The following MAGI2 variants were observed in gnomAD, a reference collection of about 807,000 sequenced individuals.
MAGI2 encodes the protein membrane-associated guanylate kinase, WW and PDZ domain-containing protein 2.
A neutral mutation model predicts 133.3 loss-of-function variants in MAGI2; 35 were observed. That is an observed-to-expected ratio of 0.26 (90% CI 0.20 to 0.35). The LOEUF is 0.35. MAGI2 is among the 10% of genes least tolerant of loss of function. MAGI2 has a pLI of 1.00. For synonymous variants in MAGI2, 729 were observed against 710.6 expected, an observed-to-expected ratio of 1.03 and a Z score of -0.41; for missense variants, 1,636 against 1,863.4, an observed-to-expected ratio of 0.88 and a Z score of 2.25.
chr7:78,997,543 G>A (rs112510011), intron 2 of MAGI2, among the ~76,000 whole-genome samples: 7,541 of 151,456 alleles, frequency 0.05, 227 homozygotes, highest in Middle Eastern at 0.075. Flanking sequence ...TGGAGATTGC[G>A]GTGAGCCGAG....
intron 2 of MAGI2, among the ~76,000 whole-genome samples, chr7:78,856,050 C>G (rs890053273): frequency 2.6e-5 from 4 of 152,188 alleles, no homozygotes; most frequent in Non-Finnish European, 5.9e-5. Flanking sequence ...TAAATGTCTT[C>G]TTTTGAGAAG....
chr7:78,406,302 A>G (rs982580515), intron 6 of MAGI2, among the ~76,000 whole-genome samples: 4 of 152,042 alleles, frequency 2.6e-5, no homozygotes, highest in African/African-American at 9.7e-5. Flanking sequence ...AATAAATAAC[A>G]GTATTTAAAT....
chr7:78,177,822 C>T (rs564581231), intron 14 of MAGI2, among the ~76,000 whole-genome samples, 189 bp downstream of exon 14: 114 of 152,000 alleles, frequency 7.5e-4, no homozygotes, highest in African/African-American at 2.0e-3. Context: ...AGATATTTGT[C>T]GTGGAGATAA....
rs187861616 is a variant in MAGI2, at chr7:78,371,277, G to A, written c.1046-2064C>T. On this transcript the variant is annotated intron_variant, in intron 6 of 21. Coordinates refer to ENST00000354212, the MANE Select transcript of MAGI2 (RefSeq NM_012301.4). ...CATTCAAAACCCTTTTTTATAAGCA[G>A]CTCATCCAGAAGTAAAAGAATATAC... Among the ~76,000 whole-genome samples the A allele has an allele frequency of 4.1e-3, 624 of 151,916 alleles. 5 individuals carry two copies. The highest frequency in any genetic ancestry group is 5.5e-3 in the Non-Finnish European group (374 of 67,816).
intron 1 of MAGI2, among the ~76,000 whole-genome samples, chr7:79,419,194 A>G (rs1009346287): frequency 1.3e-5 from 2 of 152,010 alleles, no homozygotes; most frequent in African/African-American, 4.8e-5. Context: ...TCCTTTGTAT[A>G]TTTCAGTAAA....
intron 9 of MAGI2, among the ~76,000 whole-genome samples, chr7:78,341,575 T>C (rs1790377828): frequency 1.3e-5 from 2 of 151,962 alleles, no homozygotes; most frequent in African/African-American, 4.8e-5. Context: ...AAGGCTACAG[T>C]AACCAAAATA....
chr7:78,597,904 A>G (rs954328127), intron 3 of MAGI2, among the ~76,000 whole-genome samples: 5 of 151,998 alleles, frequency 3.3e-5, no homozygotes. Context: ...TAAAATTTGC[A>G]TAAGTCTATT....
At chr7:79,144,974 T>C (rs1562937823) in intron 1 of MAGI2, among the ~76,000 whole-genome samples, 1 of 152,162 alleles carries the variant, frequency 6.6e-6, no homozygotes, top group Non-Finnish European at 1.5e-5. Flanking sequence ...AAAGAGATTG[T>C]TTCATTTTTG....
intron 2 of MAGI2, among the ~76,000 whole-genome samples, chr7:78,912,561 C>T (rs1232340476): frequency 1.3e-5 from 2 of 151,836 alleles, no homozygotes; most frequent in African/African-American, 4.8e-5. Flanking sequence ...GCCTTCCAGC[C>T]TACATCTTTC....
At chr7:78,743,578 A>G (rs1490240954) in intron 2 of MAGI2, among the ~76,000 whole-genome samples, 2 of 151,922 alleles carry the variant, frequency 1.3e-5, no homozygotes, top group Admixed American at 1.3e-4. Flanking sequence ...CTGGACTGTA[A>G]CCTCCTTGAT....
intron 2 of MAGI2, among the ~76,000 whole-genome samples, chr7:78,785,509 C>T (rs1826743699): frequency 6.6e-6 from 1 of 152,190 alleles, no homozygotes; most frequent in South Asian, 2.1e-4. Context: ...TTTGATGCCA[C>T]TCACTTTTCT....
chr7:78,614,702 T>C, intron 3 of MAGI2: 1 of 152,194 alleles, frequency 6.6e-6, no homozygotes, highest in East Asian at 1.9e-4. Flanking sequence ...AATTTGAGTA[T>C]AAATTTGAAT....
rs1818985705 is a variant in MAGI2 at position 78,108,748 on chromosome 7, G to A, written c.3567+16946C>T. Among the ~76,000 whole-genome samples, 4 of 128,984 alleles carry A rather than the reference G, an allele frequency of 3.1e-5. No homozygotes were observed. The Admixed American group carries it at 3.3e-4, about 11-fold the overall frequency. The allele number at this position is 128,984 out of a possible 152,430, so 84.6% of individuals were successfully genotyped here. A position where few individuals can be genotyped will look rare whatever the true frequency, so the allele number is the denominator to read the frequency against. Reference sequence around the variant, plus strand: ...TGTGTATACACACACATATGTGAGTGTATATACGTGAGTGTGTGTATATAT... The same window carrying A: ...TGTGTATACACACACATATGTGAGTATATATACGTGAGTGTGTGTATATAT... On this transcript the variant is annotated intron_variant, in intron 20 of 21. Transcript: ENST00000354212.
rs73366731 is a variant in MAGI2, at chr7:78,193,445, C to A, written c.2269+1429G>T. ...ATTTCCCCAGTTAAATGTGTGAGAGCAGGGCATATTACTCATCTTTGGTAT... is the reference window on the plus strand; with the variant it reads ...ATTTCCCCAGTTAAATGTGTGAGAGAAGGGCATATTACTCATCTTTGGTAT... On this transcript the variant is annotated intron_variant, in intron 12 of 21. Coordinates refer to ENST00000354212, the MANE Select transcript of MAGI2 (RefSeq NM_012301.4). Among the ~76,000 whole-genome samples the A allele has an allele frequency of 6.8e-3, 1,037 of 152,292 alleles. 11 individuals carry two copies. The highest frequency in any genetic ancestry group is 0.024 in the African/African-American group (985 of 41,548).
intron 2 of MAGI2, among the ~76,000 whole-genome samples, chr7:78,810,223 T>A (rs985939886): frequency 1.3e-5 from 2 of 152,146 alleles, no homozygotes; most frequent in African/African-American, 4.8e-5. Context: ...AGGTTTCAAG[T>A]TCTTTTAAAC....
At chr7:79,204,992 A>T (rs1345352179) in intron 1 of MAGI2, among the ~76,000 whole-genome samples, 1 of 151,920 alleles carries the variant, frequency 6.6e-6, no homozygotes, top group African/African-American at 2.4e-5. Context: ...ACATCATCAA[A>T]AGAGCACATT....
At chr7:78,677,749 T>C (rs973572689) in intron 2 of MAGI2, among the ~76,000 whole-genome samples, 1 of 152,142 alleles carries the variant, frequency 6.6e-6, no homozygotes, top group South Asian at 2.1e-4. Flanking sequence ...CGTCCAATCC[T>C]CTTAGTTTTT....
chr7:78,923,826 C>G (rs1446177655), intron 2 of MAGI2, among the ~76,000 whole-genome samples: 3 of 152,006 alleles, frequency 2.0e-5, no homozygotes, highest in Admixed American at 1.3e-4. Context: ...CTACCCATGA[C>G]CATGGAATGT....
At chr7:79,204,868 C>T (rs912228719) in intron 1 of MAGI2, among the ~76,000 whole-genome samples, 2 of 151,350 alleles carry the variant, frequency 1.3e-5, no homozygotes, top group African/African-American at 2.4e-5. Context: ...ACAGAATTGA[C>T]GAAGCAGAAG....
Sources: allele counts gnomAD v4.1 joint callset (sites outside exome capture counted in the v4.1 genomes callset), GRCh38; gene constraint gnomAD v4.1.1; transcripts MANE v1.5; gene names NCBI Gene and HGNC (gene_info 2026-07-23, HGNC 2026-07-21).